CDCP1: variants seen among roughly 807,000 people sequenced by gnomAD.
The protein encoded by CDCP1 is CUB domain containing protein 1.
In CDCP1, 29 loss-of-function variants were observed where a neutral mutation model predicts 60.2. That is an observed-to-expected ratio of 0.48 (90% CI 0.36 to 0.66). The LOEUF (loss-of-function observed/expected upper bound fraction) is 0.66. Ranked by LOEUF, CDCP1 falls within the 30% of genes least tolerant of loss-of-function variation. The pLI is 0.00. For synonymous variants in CDCP1, 387 were observed against 431.1 expected, an observed-to-expected ratio of 0.90 and a Z score of 1.27; for missense variants, 876 against 1,074.3, an observed-to-expected ratio of 0.82 and a Z score of 2.58.
Position 45,119,379 on chromosome 3 carries a change from C to T in CDCP1, c.83-758G>A, listed in dbSNP as rs576928074. ...TGCTTTGCTTGATTGATTAAGTGCT[C>T]TTAGACCAAGAAGGGAGAGCCACTT... On this transcript the variant is annotated intron_variant, in intron 1 of 8. Coordinates refer to ENST00000296129, the MANE Select transcript of CDCP1 (RefSeq NM_022842.5). Among the ~76,000 whole-genome samples, 6 of 152,262 alleles carry T rather than the reference C, an allele frequency of 3.9e-5. No individual in the cohort carries two copies. In the East Asian group the frequency reaches 1.2e-3, roughly 29 times the overall value.
intron 1 of CDCP1, 46 bp downstream of exon 1, chr3:45,146,160 C>G: frequency 6.6e-7 from 1 of 1,523,074 alleles, no homozygotes. Context: ...CGCTGGCTGG[C>G]TAGCTCACCA....
chr3:45,092,439 C>T (rs1005098853), intron 6 of CDCP1, among the ~76,000 whole-genome samples: 4 of 152,148 alleles, frequency 2.6e-5, no homozygotes, highest in African/African-American at 9.7e-5. Context: ...TCCTTACCTT[C>T]AGGAGAGATA....
rs1037046906 is a variant in CDCP1, at chr3:45,093,189, C to T, written c.1627+88G>A. 4 of 1,463,226 alleles carry T rather than the reference C, an allele frequency of 2.7e-6. No homozygotes were observed. The African/African-American group carries it at 5.6e-5, about 21-fold the overall frequency. 90.6% of individuals were successfully genotyped at this position (1,463,226 alleles called of 1,614,324 possible). On this transcript the variant is annotated intron_variant, in intron 6 of 8. Coordinates refer to ENST00000296129, the MANE Select transcript of CDCP1 (RefSeq NM_022842.5). Reference sequence around the variant, plus strand: ...TATTGAGCTATCCCTTCTTTCCAAACTGGCAACTTAATTAAGGTGATCACA... The same window carrying T: ...TATTGAGCTATCCCTTCTTTCCAAATTGGCAACTTAATTAAGGTGATCACA...
intron 1 of CDCP1, among the ~76,000 whole-genome samples, chr3:45,128,945 G>C (rs1028119812): frequency 6.6e-6 from 1 of 152,196 alleles, no homozygotes; most frequent in Non-Finnish European, 1.5e-5. Context: ...TGGAACTCCT[G>C]ACCTCAGGTG....
Position 45,118,432 on chromosome 3 carries a change from A to G in CDCP1, c.272T>C (p.Ile91Thr), listed in dbSNP as rs935171641. The change falls in exon 2 of 9, where the codon ATA becomes ACA. Residue 91 changes from isoleucine to threonine, a missense_variant. This residue lies in a region of CDCP1 where 150 missense variants were observed against 138.6 expected (regional missense o/e 1.08). Transcript: ENST00000296129. ...SCQSPENHFV[I>T]EIQKNIDCMS... is the part of the protein sequence containing the mutation. Reference sequence around the variant, plus strand: ...CTTACCAATATTTTTCTGGATCTCTATGACAAAGTGATTCTCAGGACTCTG... The same window carrying G: ...CTTACCAATATTTTTCTGGATCTCTGTGACAAAGTGATTCTCAGGACTCTG... 5.0e-6 allele frequency: 8 copies of G among 1,613,810 alleles called. No homozygotes were observed. Among genetic ancestry groups the G allele is most frequent in the Admixed American group, 1.7e-5 (1 of 59,990 alleles).
chr3:45,090,713 G>T (rs950281853), intron 7 of CDCP1, among the ~76,000 whole-genome samples: 1 of 152,226 alleles, frequency 6.6e-6, no homozygotes, highest in African/African-American at 2.4e-5. Flanking sequence ...AGTATCAAAA[G>T]ACCTTATATG....
rs1553610966 is a variant in CDCP1, at chr3:45,126,108, C to CTCTTTCTTTCCTTCTTTCTTTCTT, written c.83-7488_83-7487insAAGAAAGAAAGAAGGAAAGAAAGA. On this transcript the variant is annotated intron_variant, in intron 1 of 8. Coordinates refer to ENST00000296129, the MANE Select transcript of CDCP1 (RefSeq NM_022842.5). ...AACTGCTGCCATTCTTTGTCTCTCT[C>CTCTTTCTTTCCTTCTTTCTTTCTT]TCTTTCTTTCTTTCTTTCTTTCTTT... Among the ~76,000 whole-genome samples the CTCTTTCTTTCCTTCTTTCTTTCTT allele has an allele frequency of 7.9e-3, 868 of 110,082 alleles. 39 individuals are homozygous for CTCTTTCTTTCCTTCTTTCTTTCTT. Among genetic ancestry groups the CTCTTTCTTTCCTTCTTTCTTTCTT allele is most frequent in the East Asian group, 8.6e-3 (30 of 3,508 alleles). 72.2% of individuals were successfully genotyped at this position (110,082 alleles called of 152,430 possible). A position where few individuals can be genotyped will look rare whatever the true frequency, so the allele number is the denominator to read the frequency against.
At chr3:45,113,243 G>A (rs745489884) in intron 2 of CDCP1, among the ~76,000 whole-genome samples, 4 of 152,170 alleles carry the variant, frequency 2.6e-5, no homozygotes, top group Non-Finnish European at 4.4e-5. Context: ...GGAATCTGGC[G>A]GCGCCATTTC....
At chr3:45,131,376 T>C (rs747145059) in intron 1 of CDCP1, among the ~76,000 whole-genome samples, 7 of 152,224 alleles carry the variant, frequency 4.6e-5, no homozygotes, top group Non-Finnish European at 8.8e-5. Flanking sequence ...CACACTGTTG[T>C]GCAACCATTA....
intron 3 of CDCP1, 71 bp downstream of exon 3, chr3:45,112,012 A>G: frequency 6.5e-7 from 1 of 1,539,268 alleles, no homozygotes; most frequent in Non-Finnish European, 8.7e-7. Flanking sequence ...ACATTTGACC[A>G]TTTCTGACCT....
intron 1 of CDCP1, 145 bp downstream of exon 1, chr3:45,146,061 G>T: frequency 1.4e-6 from 1 of 697,068 alleles, no homozygotes; most frequent in Non-Finnish European, 2.2e-6. Context: ...AGCCACCCGC[G>T]CATTTTGACT....
rs553945147 is a variant in CDCP1, at chr3:45,141,717, G to A, written c.82+4489C>T. ...GGAGCCTGGATCTCCTTACCTGGTT[G>A]TCTAGAATGCGCCAGCTGCCCGGGA... On this transcript the variant is annotated intron_variant, in intron 1 of 8. Coordinates refer to ENST00000296129, the MANE Select transcript of CDCP1 (RefSeq NM_022842.5). 3.3e-4 allele frequency among the ~76,000 whole-genome samples: 50 copies of A among 152,344 alleles called. 1 individual carries two copies. The South Asian group carries it at 0.01, about 32-fold the overall frequency.
At chr3:45,093,235 C>T (rs1401176733) in intron 6 of CDCP1, 42 bp downstream of exon 6, 1 of 1,569,972 alleles carries the variant, frequency 6.4e-7, no homozygotes, top group Non-Finnish European at 8.6e-7. Flanking sequence ...CAAATAAACG[C>T]TTAAACTAAA....
chr3:45,109,945 A>G (rs962645422), intron 4 of CDCP1, among the ~76,000 whole-genome samples: 8 of 152,280 alleles, frequency 5.3e-5, no homozygotes, highest in Middle Eastern at 3.4e-3. Flanking sequence ...GTGTGATGTC[A>G]GGCCAGTTCC....
intron 3 of CDCP1, among the ~76,000 whole-genome samples, chr3:45,111,548 C>G (rs529941205): frequency 6.6e-6 from 1 of 152,096 alleles, no homozygotes; most frequent in Admixed American, 6.6e-5. Context: ...TGGTGGCGCA[C>G]GACTATAGTC....
intron 8 of CDCP1, among the ~76,000 whole-genome samples, chr3:45,088,778 C>T (rs1463908559): frequency 6.6e-6 from 1 of 152,168 alleles, no homozygotes; most frequent in Non-Finnish European, 1.5e-5. Context: ...ACTGAGCAAA[C>T]AGCACTCTGC....
chr3:45,114,883 T>C lies in CDCP1; in HGVS notation c.293-2438A>G, dbSNP rs182880124. Among the ~76,000 whole-genome samples the C allele has an allele frequency of 1.4e-3, 211 of 152,350 alleles. 3 individuals carry two copies. Among genetic ancestry groups the C allele is most frequent in the African/African-American group, 4.9e-3 (203 of 41,584 alleles). On this transcript the variant is annotated intron_variant, in intron 2 of 8. Transcript: ENST00000296129. ...ATTATTTTAGAAATTGATATTTTCA[T>C]ATCATTTTCAAAAGTTGTGAGCATG...
chr3:45,110,204 C>A (rs1441637877), intron 4 of CDCP1: 1 of 1,321,400 alleles, frequency 7.6e-7, no homozygotes, highest in East Asian at 3.2e-5. Flanking sequence ...AGAAAAATGA[C>A]CTTTCAATGC....
intron 1 of CDCP1, among the ~76,000 whole-genome samples, chr3:45,142,888 T>C (rs1321093970): frequency 2.0e-5 from 3 of 152,208 alleles, no homozygotes; most frequent in Non-Finnish European, 4.4e-5. Context: ...CTTCCAGAAC[T>C]GTAGCTGGAC....
Sources: gnomAD v4.1 joint callset for allele counts (sites outside exome capture counted in the v4.1 genomes callset) on GRCh38, gnomAD v4.1.1 for gene constraint, gnomAD v4.1.1 regional missense constraint, MANE v1.5 for transcripts, NCBI Gene and HGNC (gene_info 2026-07-23, HGNC 2026-07-21) for gene names.